The following USP19 variants were observed in gnomAD, a reference collection of about 807,000 sequenced individuals.
USP19 encodes the protein ubiquitin specific peptidase 19, also known as ubiquitin carboxyl-terminal hydrolase 19.
A neutral mutation model predicts 144.8 loss-of-function variants in USP19; 40 were observed. That is an observed-to-expected ratio of 0.28 (90% confidence interval 0.21 to 0.36). The LOEUF (loss-of-function observed/expected upper bound fraction) is 0.36, where lower values mean the gene tolerates loss of function less well. USP19 is among the 10% of genes least tolerant of loss of function. The pLI is 1.00. For missense variants in USP19, 1,518 were observed against 1,822.5 expected, an observed-to-expected ratio of 0.83 and a Z score of 3.04; for synonymous variants, 701 against 709.3, an observed-to-expected ratio of 0.99 and a Z score of 0.19.
At position 49,116,714 on chromosome 3, in the gene USP19, C is replaced by A. The variant is rs762354344; in HGVS notation, c.1126+13G>T. On this transcript the variant is annotated intron_variant, in intron 7 of 26. Coordinates refer to ENST00000417901, the MANE Select transcript of USP19 (RefSeq NM_001199161.2). The surrounding 1 kb of genome is among the most constrained non-coding windows in gnomAD (Gnocchi z 5.0). ...CCCAACCTAGGGCTCTGCCTGCCCA[C>A]CCCCACCTTTACCATCCACCAAGGT... The A allele has an allele frequency of 1.2e-6, 2 of 1,607,960 alleles. No homozygotes were observed. The highest frequency in any genetic ancestry group is 1.7e-6 in the Non-Finnish European group (2 of 1,176,306).
chr3:49,118,291 G>A (rs1210518788), intron 2 of USP19, among the ~76,000 whole-genome samples, 171 bp from the exon 3 acceptor site: 1 of 150,968 alleles, frequency 6.6e-6, no homozygotes, highest in African/African-American at 2.4e-5. Context: ...AAAAGGGACA[G>A]GCACGGTGGT....
In USP19 at chr3:49,119,099, C is replaced by A. The variant is rs375329381; in HGVS notation, c.47G>T (p.Gly16Val). The A allele has an allele frequency of 5.0e-6, 8 of 1,613,956 alleles. No homozygotes were observed. Among genetic ancestry groups the A allele is most frequent in the Non-Finnish European group, 5.9e-6 (7 of 1,180,018 alleles). The change falls in exon 2 of 27, where the codon GGA becomes GTA. Residue 16 changes from glycine to valine, a missense_variant. Around this residue, in one of 5 missense-constraint regions of USP19, gnomAD observed 707 missense variants for 728.9 expected, o/e 0.97. Transcript: ENST00000417901. ...CTTCTTACTAGTGGTGTCCTCCAGT[C>A]CTGGGGGCCCTCTCCTTGGGCCTGT... ...SATGPRRGPP[G>V]LEDTTSKKKQ...
rs768890542 is a variant in USP19 at position 49,118,123 on chromosome 3, A to T, written c.125-3T>A. On this transcript the variant is annotated splice_polypyrimidine_tract_variant and splice_region_variant and intron_variant, in intron 2 of 26. Coordinates refer to ENST00000417901, the MANE Select transcript of USP19 (RefSeq NM_001199161.2). ...GGCAACATATCGAGACCCTGTCTCT[A>T]AAAAAAAAATAAGAAAAATTAGTCA... is the stretch of plus-strand genomic sequence containing the variant. 3 of 779,632 alleles carry T rather than the reference A, an allele frequency of 3.8e-6. No homozygotes were observed. The highest frequency in any genetic ancestry group is 5.6e-6 in the Non-Finnish European group (3 of 535,478). 48.3% of individuals were successfully genotyped at this position (779,632 alleles called of 1,614,324 possible).
Position 49,111,869 on chromosome 3 carries a change from G to A in USP19, c.2903+42C>T. On this transcript the variant is annotated intron_variant, in intron 20 of 26. Coordinates refer to ENST00000417901, the MANE Select transcript of USP19 (RefSeq NM_001199161.2). This position sits in a 1 kb window ranked among gnomAD's most constrained non-coding sequence, Gnocchi z 5.9. ...CCTGACCAGCCCATCTAGCACCTCTGCCCCCACCTACACCACTCTAGTCCA... is the reference window on the plus strand; with the variant it reads ...CCTGACCAGCCCATCTAGCACCTCTACCCCCACCTACACCACTCTAGTCCA... The A allele has an allele frequency of 6.2e-7, 1 of 1,609,228 alleles. No homozygotes were observed. Among genetic ancestry groups the A allele is most frequent in the Non-Finnish European group, 8.5e-7 (1 of 1,176,970 alleles).
In USP19 at chr3:49,112,273, G is replaced by C; in HGVS notation, c.2765+11C>G. The C allele has an allele frequency of 6.2e-7, 1 of 1,600,514 alleles. No homozygotes were observed. The highest frequency in any genetic ancestry group is 1.7e-5 in the Admixed American group (1 of 57,616). The stretch of plus-strand genomic sequence containing the variant: ...GAAAGAAAGGGTAGGGGAGACCATG[G>C]GGGTCCTCACTGGTTGCAGTAGCCC... On this transcript the variant is annotated intron_variant, in intron 19 of 26. Coordinates refer to ENST00000417901, the MANE Select transcript of USP19 (RefSeq NM_001199161.2). The surrounding 1 kb of genome is among the most constrained non-coding windows in gnomAD (Gnocchi z 4.9).
chr3:49,108,430 G>C lies in USP19; in HGVS notation c.4137C>G (p.Asn1379Lys). 2 of 1,391,238 alleles carry C rather than the reference G, an allele frequency of 1.4e-6. No homozygotes were observed. 86.2% of individuals were successfully genotyped at this position (1,391,238 alleles called of 1,614,324 possible). The change falls in exon 27 of 27, where the codon AAC (asparagine) becomes AAG (lysine). Residue 1379 changes from asparagine (N) to lysine (K), a missense_variant. This residue lies in a region of USP19 where 118 missense variants were observed against 100.2 expected (regional missense o/e 1.18). Coordinates refer to ENST00000417901, the MANE Select transcript of USP19 (RefSeq NM_001199161.2). This position sits in a 1 kb window ranked among gnomAD's most constrained non-coding sequence, Gnocchi z 4.8. ...PVDRPAPTYS[N>K]MEEVD ...GGACCTGCTAATCCACCTCCTCCATGTTGCTGTAGGTGGGGGCTGGCCGAT... is the reference window on the plus strand; with the variant it reads ...GGACCTGCTAATCCACCTCCTCCATCTTGCTGTAGGTGGGGGCTGGCCGAT...
Position 49,108,457 on chromosome 3 carries a change from C to T in USP19, c.4110G>A (p.Val1370=). 1 of 1,360,430 alleles carries T rather than the reference C, an allele frequency of 7.4e-7. No individual in the cohort carries two copies. The highest frequency in any genetic ancestry group is 9.6e-7 in the Non-Finnish European group (1 of 1,045,454). 84.3% of individuals were successfully genotyped at this position (1,360,430 alleles called of 1,614,324 possible). A position where few individuals can be genotyped will look rare whatever the true frequency, so the allele number is the denominator to read the frequency against. The stretch of plus-strand genomic sequence containing the variant: ...TGCTGTAGGTGGGGGCTGGCCGATC[C>T]ACAGGGGGGGCGAAGCGTTCAGGGG... ...RTAPERFAPP[V]DRPAPTYSNM... The change falls in exon 27 of 27, where the codon GTG becomes GTA. Residue 1370 remains valine, a synonymous_variant. Coordinates refer to ENST00000417901, the MANE Select transcript of USP19 (RefSeq NM_001199161.2). This position sits in a 1 kb window ranked among gnomAD's most constrained non-coding sequence, Gnocchi z 4.8.
chr3:49,118,096 T>C lies in USP19; in HGVS notation c.149A>G (p.Gln50Arg). 1.4e-6 allele frequency: 2 copies of C among 1,440,114 alleles called. No homozygotes were observed. The highest frequency in any genetic ancestry group is 1.9e-6 in the Non-Finnish European group (2 of 1,049,012). The allele number at this position is 1,440,114 out of a possible 1,614,324, so 89.2% of individuals were successfully genotyped here. Residue 50 changes from glutamine (Q) to arginine (R), a missense_variant, in exon 3 of 27, where the codon CAG (glutamine) becomes CGG (arginine). Gln to Arg is a conservative substitution (Grantham distance 43, BLOSUM62 1). Transcript: ENST00000417901. ...RKETGSRYVA[Q>R]AGLEPLASGD... ...TGAGGCCAGAGGTTCAAGACCAGCC[T>C]GGGCAACATATCGAGACCCTGTCTC...
Position 49,112,191 on chromosome 3 carries a change from G to C in USP19, c.2765+93C>G. 1 of 1,545,770 alleles carries C rather than the reference G, an allele frequency of 6.5e-7. No individual in the cohort carries two copies. Among genetic ancestry groups the C allele is most frequent in the South Asian group, 1.2e-5 (1 of 84,236 alleles). Reference sequence around the variant, plus strand: ...GGTAAAGTAGGGTGGCAAGTAGAAAGCTTAAGCATATGTGCCTTGGTGTGA... The same window carrying C: ...GGTAAAGTAGGGTGGCAAGTAGAAACCTTAAGCATATGTGCCTTGGTGTGA... On this transcript the variant is annotated intron_variant, in intron 19 of 26. Transcript: ENST00000417901. This position sits in a 1 kb window ranked among gnomAD's most constrained non-coding sequence, Gnocchi z 4.9.
chr3:49,113,342 T>A (rs1161168808), intron 17 of USP19, among the ~76,000 whole-genome samples: 1 of 152,096 alleles, frequency 6.6e-6, no homozygotes, highest in Non-Finnish European at 1.5e-5. Flanking sequence ...AGTGGCGCGA[T>A]CTCGGCTCAC....
intron 26 of USP19, chr3:49,109,081 T>TGGTA: frequency 1.2e-6 from 2 of 1,602,870 alleles, no homozygotes; most frequent in Non-Finnish European, 1.7e-6. Flanking sequence ...TAGGGCCACG[T>TGGTA]GGTAGGGGGC....
chr3:49,112,890 G>C lies in USP19; in HGVS notation c.2506-261C>G, dbSNP rs753170523. On this transcript the variant is annotated intron_variant, in intron 17 of 26. Coordinates refer to ENST00000417901, the MANE Select transcript of USP19 (RefSeq NM_001199161.2). The surrounding 1 kb of genome is among the most constrained non-coding windows in gnomAD (Gnocchi z 4.9). ...TCTCCACACTGAGGGACTCTGCCCT[G>C]CTATAACTAGCATAGCCTTATAAGA... is the stretch of plus-strand genomic sequence containing the variant. 3.9e-5 allele frequency among the ~76,000 whole-genome samples: 6 copies of C among 152,178 alleles called. No homozygotes were observed. The highest frequency in any genetic ancestry group is 6.5e-5 in the Admixed American group (1 of 15,280).
rs769204626 is a variant in USP19 at position 49,110,275 on chromosome 3, C to T, written c.3947G>A (p.Arg1316Gln). The change falls in exon 26 of 27, where the codon CGG becomes CAG. Residue 1316 changes from arginine to glutamine, a missense_variant. Transcript: ENST00000417901. The surrounding 1 kb of genome is among the most constrained non-coding windows in gnomAD (Gnocchi z 6.1). ...GGGCCTCTCCACAGGAGAGTTCCGC[C>T]GGCGGTAGAAGAGTACATAGGCATA... ...TRYAYVLFYR[R>Q]RNSPVERPPR... 26 of 1,606,454 alleles carry T rather than the reference C, an allele frequency of 1.6e-5. No individual in the cohort carries two copies. Among genetic ancestry groups the T allele is most frequent in the South Asian group, 1.2e-4 (11 of 90,226 alleles).
Position 49,115,696 on chromosome 3 carries a change from T to G in USP19, c.1692+28A>C, listed in dbSNP as rs2043966904. 1 of 1,607,406 alleles carries G rather than the reference T, an allele frequency of 6.2e-7. No homozygotes were observed. Among genetic ancestry groups the G allele is most frequent in the Non-Finnish European group, 8.5e-7 (1 of 1,174,876 alleles). On this transcript the variant is annotated intron_variant, in intron 11 of 26. Coordinates refer to ENST00000417901, the MANE Select transcript of USP19 (RefSeq NM_001199161.2). The surrounding 1 kb of genome is among the most constrained non-coding windows in gnomAD (Gnocchi z 6.6). The stretch of plus-strand genomic sequence containing the variant: ...CCCCAAGACTCTCCAGCCTCCATTC[T>G]TCGTCCTTCCCACCCCAGAATTCTC...
Position 49,120,761 on chromosome 3 carries a change from G to A in USP19, c.-142C>T. The A allele has an allele frequency of 8.9e-6, 2 of 223,842 alleles. No individual in the cohort carries two copies. The highest frequency in any genetic ancestry group is 1.8e-5 in the Non-Finnish European group (2 of 110,774). The allele number at this position is 223,842 out of a possible 1,614,324, so 13.9% of individuals were successfully genotyped here. A position where few individuals can be genotyped will look rare whatever the true frequency, so the allele number is the denominator to read the frequency against. Reference sequence around the variant, plus strand: ...TTGCAGCCTGCTCCACTCACCGAGCGAGACCGCCGCAGCCAGCCCTCTTCG... The same window carrying A: ...TTGCAGCCTGCTCCACTCACCGAGCAAGACCGCCGCAGCCAGCCCTCTTCG... On this transcript the variant is annotated 5_prime_UTR_variant, in exon 1 of 27. Coordinates refer to ENST00000417901, the MANE Select transcript of USP19 (RefSeq NM_001199161.2).
Position 49,112,503 on chromosome 3 carries a change from G to A in USP19, c.2632C>T (p.Leu878=). The A allele has an allele frequency of 1.2e-6, 2 of 1,613,846 alleles. No homozygotes were observed. The highest frequency in any genetic ancestry group is 1.7e-6 in the Non-Finnish European group (2 of 1,179,810). ...CCCCCACTCACCTGTTGCACCTCTAGCACCACTACCCGCTCCTTAGCCAAC... is the reference window on the plus strand; with the variant it reads ...CCCCCACTCACCTGTTGCACCTCTAACACCACTACCCGCTCCTTAGCCAAC... ...SELAKERVVV[L]EVQQRPQVPS... Residue 878 remains leucine (L), a synonymous_variant, in exon 18 of 27, where the codon CTA becomes TTA. Transcript: ENST00000417901. This position sits in a 1 kb window ranked among gnomAD's most constrained non-coding sequence, Gnocchi z 4.9.
At chr3:49,113,688 C>A (rs555757820) in intron 17 of USP19, among the ~76,000 whole-genome samples, 1 of 152,328 alleles carries the variant, frequency 6.6e-6, no homozygotes, top group East Asian at 1.9e-4. Flanking sequence ...ACCTCCACAT[C>A]CCGGGCTCAA....
chr3:49,116,468 C>T lies in USP19; in HGVS notation c.1266G>A (p.Thr422=), dbSNP rs760606465. 45 of 1,614,064 alleles carry T rather than the reference C, an allele frequency of 2.8e-5. No homozygotes were observed. Among genetic ancestry groups the T allele is most frequent in the Middle Eastern group, 3.3e-4 (2 of 6,084 alleles). Residue 422 remains threonine (T), a synonymous_variant, in exon 8 of 27, where the codon ACG becomes ACA. Transcript: ENST00000417901. The surrounding 1 kb of genome is among the most constrained non-coding windows in gnomAD (Gnocchi z 5.0). ...CCACCCACCTGGTCTGGAAGATGAG[C>T]GTGAAGTCCTGCTCACGGAAAAGTA... is the stretch of plus-strand genomic sequence containing the variant. The part of the protein sequence containing the change: ...SRVLFREQDF[T]LIFQTRDGNF...
Position 49,108,420 on chromosome 3 carries a change from C to T in USP19, c.4147G>A (p.Val1383Met). ...CATCAGCCAGGGACCTGCTAATCCA[C>T]CTCCTCCATGTTGCTGTAGGTGGGG... ...PAPTYSNMEE[V>M]D Residue 1383 changes from valine to methionine, a missense_variant, in exon 27 of 27, where the codon GTG becomes ATG. By Grantham distance (21) the Val-to-Met change is conservative. Around this residue, in one of 5 missense-constraint regions of USP19, gnomAD observed 118 missense variants for 100.2 expected, o/e 1.18. Coordinates refer to ENST00000417901, the MANE Select transcript of USP19 (RefSeq NM_001199161.2). This position sits in a 1 kb window ranked among gnomAD's most constrained non-coding sequence, Gnocchi z 4.8. The T allele has an allele frequency of 1.4e-5, 20 of 1,397,252 alleles. No individual in the cohort carries two copies. Among genetic ancestry groups the T allele is most frequent in the Non-Finnish European group, 1.9e-5 (20 of 1,060,742 alleles). The allele number at this position is 1,397,252 out of a possible 1,614,324, so 86.6% of individuals were successfully genotyped here.
Sources: allele counts gnomAD v4.1 joint callset (sites outside exome capture counted in the v4.1 genomes callset), GRCh38; gene constraint gnomAD v4.1.1; regional missense constraint gnomAD v4.1.1; non-coding constraint Gnocchi (gnomAD v3.1); transcripts MANE v1.5; gene names NCBI Gene and HGNC (gene_info 2026-07-23, HGNC 2026-07-21).